The following ZNFX1 variants were observed in gnomAD, a reference collection of about 807,000 sequenced individuals.
The protein encoded by ZNFX1 is zinc finger NFX1-type containing 1.
In ZNFX1, 78 loss-of-function variants were observed where a neutral mutation model predicts 179.8. The observed-to-expected ratio is 0.43, with a 90% CI of 0.36 to 0.52. The LOEUF (loss-of-function observed/expected upper bound fraction) is 0.52. Ranked by LOEUF, ZNFX1 falls within the 20% of genes least tolerant of loss-of-function variation. ZNFX1 has a pLI of 0.00. For synonymous variants in ZNFX1, 848 were observed against 868.5 expected, an observed-to-expected ratio of 0.98 and a Z score of 0.42; for missense variants, 1,927 against 2,386.6, an observed-to-expected ratio of 0.81 and a Z score of 4.01.
intron 7 of ZNFX1, among the ~76,000 whole-genome samples, chr20:49,260,065 G>A (rs1981074857): frequency 6.6e-6 from 1 of 152,036 alleles, no homozygotes; most frequent in Admixed American, 6.6e-5. Context: ...AGTTTTTAAT[G>A]AGCACTTTTC....
chr20:49,272,120 C>T (rs1981423068), intron 2 of ZNFX1, among the ~76,000 whole-genome samples: 1 of 151,982 alleles, frequency 6.6e-6, no homozygotes, highest in African/African-American at 2.4e-5. Flanking sequence ...ATTGGCCTGG[C>T]CACTGCCTTA....
intron 8 of ZNFX1, among the ~76,000 whole-genome samples, chr20:49,256,625 C>T (rs1423471109): frequency 1.3e-5 from 2 of 152,304 alleles, no homozygotes; most frequent in South Asian, 2.1e-4. Flanking sequence ...AAGATCTTCC[C>T]GCTGCTTCAA....
intron 3 of ZNFX1, among the ~76,000 whole-genome samples, chr20:49,268,164 C>T (rs531898657): frequency 1.1e-4 from 16 of 152,162 alleles, no homozygotes; most frequent in African/African-American, 3.1e-4. Context: ...TGTGAGCCAC[C>T]GTGCCTGACC....
At chr20:49,250,811 G>A (rs535976580) in intron 13 of ZNFX1, among the ~76,000 whole-genome samples, 4 of 152,162 alleles carry the variant, frequency 2.6e-5, no homozygotes, top group African/African-American at 9.6e-5. Context: ...CTTGGCCTCC[G>A]AAAGTGCTGA....
chr20:49,254,420 T>C, intron 10 of ZNFX1, 75 bp downstream of exon 10: 1 of 1,560,042 alleles, frequency 6.4e-7, no homozygotes, highest in Non-Finnish European at 8.7e-7. Flanking sequence ...GAAGCTCCTC[T>C]TTACCTGTCC....
chr20:49,273,580 C>A (rs1981479144), intron 2 of ZNFX1, among the ~76,000 whole-genome samples: 1 of 152,156 alleles, frequency 6.6e-6, no homozygotes, highest in Admixed American at 6.5e-5. Context: ...ATATTTTTAT[C>A]TGATTAGAAG....
rs1394546952 is a variant in ZNFX1 at position 49,252,929 on chromosome 20, T to C, written c.3106-99A>G. ...CCAACCATCAAATGTTTTTCAAGTG[T>C]TGACTATGTGCCAGGCACTATTCTA... is the stretch of plus-strand genomic sequence containing the variant. On this transcript the variant is annotated intron_variant, in intron 11 of 13. Transcript: ENST00000396105. 4.4e-6 allele frequency: 4 copies of C among 903,134 alleles called. No individual in the cohort carries two copies. The East Asian group carries it at 7.3e-5, about 16-fold the overall frequency. The allele number at this position is 903,134 out of a possible 1,614,324, so 55.9% of individuals were successfully genotyped here.
chr20:49,253,696 C>A lies in ZNFX1; in HGVS notation c.3075G>T (p.Gln1025His). 6.2e-7 allele frequency: 1 copy of A among 1,614,166 alleles called. No homozygotes were observed. Among genetic ancestry groups the A allele is most frequent in the Non-Finnish European group, 8.5e-7 (1 of 1,180,024 alleles). ...HTIATLSKACQHLILIGDHQQ... is the reference protein window; with the variant it reads ...HTIATLSKACHHLILIGDHQQ... ...GGTGGTCCCCAATCAAAATGAGGTG[C>A]TGGCAAGCTTTGCTCAATGTGGCAA... Residue 1025 changes from glutamine (Q) to histidine (H), a missense_variant, in exon 11 of 14, where the codon CAG (glutamine) becomes CAT (histidine). Gln to His is a conservative substitution (Grantham distance 24). Transcript: ENST00000396105.
chr20:49,268,521 G>T (rs1246792884), intron 3 of ZNFX1, among the ~76,000 whole-genome samples: 1 of 151,952 alleles, frequency 6.6e-6, no homozygotes, highest in Non-Finnish European at 1.5e-5. Context: ...ATTGACAAGT[G>T]GTACCTAATT....
intron 10 of ZNFX1, 53 bp from the exon 11 acceptor site, chr20:49,253,864 C>T (rs1980903318): frequency 6.2e-7 from 1 of 1,602,284 alleles, no homozygotes; most frequent in South Asian, 1.1e-5. Context: ...ACAGGACCCA[C>T]AGGGCCACTG....
At chr20:49,267,496 A>T (rs1336081351) in intron 3 of ZNFX1, among the ~76,000 whole-genome samples, 6 of 93,206 alleles carry the variant, frequency 6.4e-5, no homozygotes, top group African/African-American at 1.1e-4. Flanking sequence ...TTTTTTTTTT[A>T]AATCATGAGT....
chr20:49,272,199 A>T (rs1981426281), intron 2 of ZNFX1, among the ~76,000 whole-genome samples: 1 of 116,474 alleles, frequency 8.6e-6, no homozygotes, highest in Non-Finnish European at 1.9e-5. Context: ...TTTTTTTGAG[A>T]TGGAATCTTG....
intron 4 of ZNFX1, 142 bp from the exon 5 acceptor site, chr20:49,265,006 T>A: frequency 9.1e-7 from 1 of 1,098,028 alleles, no homozygotes; most frequent in Non-Finnish European, 1.3e-6. Context: ...CATTAATGAG[T>A]GAGAAGGTCC....
chr20:49,254,563 G>T lies in ZNFX1; in HGVS notation c.2891C>A (p.Ala964Asp). Residue 964 changes from alanine (A) to aspartate (D), a missense_variant, in exon 10 of 14, where the codon GCC (alanine) becomes GAC (aspartate). Physicochemically the swap from Ala to Asp is moderately radical, Grantham distance 126. Transcript: ENST00000396105. Reference protein sequence around the residue: ...RQYRTSAERMAELRLQEDLHI... With the variant: ...RQYRTSAERMDELRLQEDLHI... ...CAGGTCTTCCTGGAGTCTCAGCTCG[G>T]CCATTCTTTCTGCTGATGTGCGGTA... is the stretch of plus-strand genomic sequence containing the variant. The T allele has an allele frequency of 6.2e-7, 1 of 1,614,146 alleles. No homozygotes were observed. Among genetic ancestry groups the T allele is most frequent in the Non-Finnish European group, 8.5e-7 (1 of 1,180,020 alleles).
Position 49,260,509 on chromosome 20 carries a change from G to A in ZNFX1, c.2370C>T (p.Val790=), listed in dbSNP as rs145166029. 1.9e-5 allele frequency: 30 copies of A among 1,613,112 alleles called. No individual in the cohort carries two copies. In the African/African-American group the frequency reaches 2.3e-4, roughly 12 times the overall value. Residue 790 remains valine, a synonymous_variant, in exon 7 of 14, where the codon GTC becomes GTT. Transcript: ENST00000396105. The stretch of plus-strand genomic sequence containing the variant: ...GAGAAACACTTTGCGTGAAAGAACC[G>A]ACACCAAGACCTAGCCACTCCAGCA... ...SMMLEWLGLG[V]GSFTQSVSPA...
Position 49,264,843 on chromosome 20 carries a change from G to A in ZNFX1, c.2024C>T (p.Thr675Ile). ...FLEGIYNCQK[T>I]SIVRVGGRSN... ...CCTTCCACCCACCCGCACAATGCTGGTCTTCTGACAATTGTAGATGCCTGT... is the reference window on the plus strand; with the variant it reads ...CCTTCCACCCACCCGCACAATGCTGATCTTCTGACAATTGTAGATGCCTGT... The change falls in exon 5 of 14, where the codon ACC (threonine) becomes ATC (isoleucine). Residue 675 changes from threonine to isoleucine, a missense_variant. By Grantham distance (89) the Thr-to-Ile change is moderately conservative. Coordinates refer to ENST00000396105, the MANE Select transcript of ZNFX1 (RefSeq NM_021035.3). 3 of 1,614,170 alleles carry A rather than the reference G, an allele frequency of 1.9e-6. 1 individual carries two copies. Among genetic ancestry groups the A allele is most frequent in the Non-Finnish European group, 2.5e-6 (3 of 1,180,044 alleles).
At chr20:49,264,895 G>C in intron 4 of ZNFX1, 31 bp from the exon 5 acceptor site, 1 of 1,614,122 alleles carries the variant, frequency 6.2e-7, no homozygotes, top group Non-Finnish European at 8.5e-7. Flanking sequence ...TGGCAGGGTT[G>C]AGAGGAGCTT....
At chr20:49,275,261 C>T (rs1387714727) in intron 2 of ZNFX1, among the ~76,000 whole-genome samples, 1 of 152,210 alleles carries the variant, frequency 6.6e-6, no homozygotes, top group African/African-American at 2.4e-5. Context: ...TGCACCCATT[C>T]ATCAGCTCTC....
intron 8 of ZNFX1, 155 bp from the exon 9 acceptor site, chr20:49,256,102 T>C (rs1423057153): frequency 2.0e-6 from 2 of 981,456 alleles, no homozygotes; most frequent in Admixed American, 3.1e-5. Context: ...CACTGTAGAG[T>C]GGCTAAACAA....
Sources: allele counts gnomAD v4.1 joint callset (sites outside exome capture counted in the v4.1 genomes callset), GRCh38; gene constraint gnomAD v4.1.1; transcripts MANE v1.5; gene names NCBI Gene and HGNC (gene_info 2026-07-23, HGNC 2026-07-21).